Variants in CFHR2 observed in about 807,000 individuals in gnomAD.
CFHR2 encodes complement factor H-related protein 2.
In CFHR2, 22 loss-of-function variants were observed where a neutral mutation model predicts 21.7. The observed-to-expected ratio is 1.01, with a 90% CI of 0.72 to 1.45. CFHR2 has a LOEUF of 1.45. Ranked by LOEUF, CFHR2 falls within the 40% of genes most tolerant of loss-of-function variation. The pLI, the probability that CFHR2 is intolerant of heterozygous loss-of-function variation, is 0.00. For missense variants in CFHR2, 294 were observed against 293.3 expected (o/e 1.00, Z -0.02); for synonymous variants, 98 against 97.4 (o/e 1.01, Z -0.04).
chr1:196,958,695 C>A (rs1652996397), intron 4 of CFHR2, among the ~76,000 whole-genome samples, 186 bp from the exon 5 acceptor site: 1 of 151,938 alleles, frequency 6.6e-6, no homozygotes, highest in Admixed American at 6.6e-5. Context: ...AAACATAGTA[C>A]CTCATTTTTA....
At chr1:196,956,682 G>A (rs545088064) in intron 3 of CFHR2, among the ~76,000 whole-genome samples, 18 of 151,944 alleles carry the variant, frequency 1.2e-4, no homozygotes, top group Non-Finnish European at 2.4e-4. Context: ...TACTATTTGG[G>A]TTTATAATTC....
At chr1:196,958,415 T>TGTGA (rs1046139913) in intron 4 of CFHR2, among the ~76,000 whole-genome samples, 3 of 145,180 alleles carry the variant, frequency 2.1e-5, no homozygotes, top group Non-Finnish European at 3.0e-5. Context: ...TGTGTGTGTG[T>TGTGA]GAGAGAGAGA....
chr1:196,959,108 G>A lies in CFHR2; in HGVS notation c.*28G>A. On this transcript the variant is annotated 3_prime_UTR_variant, in exon 5 of 5. Coordinates refer to ENST00000367415, the MANE Select transcript of CFHR2 (RefSeq NM_005666.4). ...TCAATGGCATTACTATTAGTAAAAT[G>A]CACACCTTTTTCTGAATTTACTATT... is the stretch of plus-strand genomic sequence containing the variant. 2.8e-6 allele frequency: 4 copies of A among 1,424,988 alleles called. No individual in the cohort carries two copies. The highest frequency in any genetic ancestry group is 3.9e-6 in the Non-Finnish European group (4 of 1,029,052). The allele number at this position is 1,424,988 out of a possible 1,614,324, so 88.3% of individuals were successfully genotyped here. A position where few individuals can be genotyped will look rare whatever the true frequency, so the allele number is the denominator to read the frequency against.
At chr1:196,956,357 G>A (rs1462263547) in intron 3 of CFHR2, among the ~76,000 whole-genome samples, 1 of 152,164 alleles carries the variant, frequency 6.6e-6, no homozygotes, top group Non-Finnish European at 1.5e-5. Flanking sequence ...CAAGTTATGA[G>A]AAAAATATTG....
chr1:196,959,540 A>G lies in CFHR2; in HGVS notation c.*460A>G, dbSNP rs1653035938. On this transcript the variant is annotated 3_prime_UTR_variant, in exon 5 of 5. Coordinates refer to ENST00000367415, the MANE Select transcript of CFHR2 (RefSeq NM_005666.4). ...TTACCCCAGGTATCTTGAAATGTCA[A>G]TTCCTAACAGTCACAGCCTGGGAGC... Among the ~76,000 whole-genome samples, 1 of 152,034 alleles carries G rather than the reference A, an allele frequency of 6.6e-6. No homozygotes were observed. The highest frequency in any genetic ancestry group is 2.4e-5 in the African/African-American group (1 of 41,438).
chr1:196,951,110 G>A lies in CFHR2; in HGVS notation c.430+82G>A. On this transcript the variant is annotated intron_variant, in intron 3 of 4. Coordinates refer to ENST00000367415, the MANE Select transcript of CFHR2 (RefSeq NM_005666.4). ...AATCTTTTTTTACAGATTAAATATAGGTTAAATATAGGTTTTGCCACATAC... is the reference window on the plus strand; with the variant it reads ...AATCTTTTTTTACAGATTAAATATAAGTTAAATATAGGTTTTGCCACATAC... The A allele has an allele frequency of 4.0e-6, 6 of 1,484,674 alleles. 1 individual carries two copies. The highest frequency in any genetic ancestry group is 5.5e-6 in the Non-Finnish European group (6 of 1,091,872). 92.0% of individuals were successfully genotyped at this position (1,484,674 alleles called of 1,614,324 possible).
intron 4 of CFHR2, 26 bp downstream of exon 4, chr1:196,958,099 T>C (rs1442916826): frequency 1.2e-6 from 2 of 1,604,674 alleles, no homozygotes; most frequent in Non-Finnish European, 1.7e-6. Context: ...TTCTCATGGA[T>C]TCTGGAAAAA....
At chr1:196,955,342 T>A (rs7546591) in intron 3 of CFHR2, among the ~76,000 whole-genome samples, 1 of 152,158 alleles carries the variant, frequency 6.6e-6, no homozygotes, top group African/African-American at 2.4e-5. Context: ...GTCAAAACCA[T>A]TGAACAAGTC....
intron 1 of CFHR2, among the ~76,000 whole-genome samples, chr1:196,947,517 C>T (rs1659554640): frequency 6.6e-6 from 1 of 152,140 alleles, no homozygotes. Context: ...TTTACCAAAA[C>T]TATCTAATGT....
intron 3 of CFHR2, among the ~76,000 whole-genome samples, chr1:196,955,306 T>C (rs1436225677): frequency 6.6e-6 from 1 of 152,176 alleles, no homozygotes; most frequent in Non-Finnish European, 1.5e-5. Flanking sequence ...CTGGACTTCA[T>C]TGTCCATATC....
At chr1:196,955,199 G>A (rs771709449) in intron 3 of CFHR2, among the ~76,000 whole-genome samples, 1 of 152,042 alleles carries the variant, frequency 6.6e-6, no homozygotes, top group East Asian at 1.9e-4. Context: ...TCAGGGCAGG[G>A]GCAAATTGAC....
At chr1:196,948,276 T>C (rs1223205455) in intron 1 of CFHR2, among the ~76,000 whole-genome samples, 2 of 149,856 alleles carry the variant, frequency 1.3e-5, no homozygotes, top group East Asian at 3.9e-4. Flanking sequence ...TATTTTATTT[T>C]ATTTTAATTT....
intron 3 of CFHR2, among the ~76,000 whole-genome samples, chr1:196,953,816 T>C (rs1435344488): frequency 6.6e-6 from 1 of 152,194 alleles, no homozygotes; most frequent in Non-Finnish European, 1.5e-5. Context: ...ATTTATGAGA[T>C]TATTAGAAAA....
In CFHR2 at chr1:196,958,029, T is replaced by TA. The variant is rs779257906; in HGVS notation, c.571dup (p.Thr191AsnfsTer3). On this transcript the variant is annotated frameshift_variant, in exon 4 of 5. Coordinates refer to ENST00000367415, the MANE Select transcript of CFHR2 (RefSeq NM_005666.4). LOFTEE classifies it low-confidence loss of function (END_TRUNC). ...TATCAACTTGAGGGTAACAATCAAA[T>TA]AACATGTAGAAACGGACAATGGTCA... The TA allele has an allele frequency of 1.8e-5, 29 of 1,613,590 alleles. No homozygotes were observed. The highest frequency in any genetic ancestry group is 5.0e-5 in the Admixed American group (3 of 59,966).
intron 1 of CFHR2, among the ~76,000 whole-genome samples, chr1:196,946,830 A>T (rs1659513274): frequency 6.6e-6 from 1 of 152,232 alleles, no homozygotes; most frequent in Non-Finnish European, 1.5e-5. Flanking sequence ...ACTGATAACA[A>T]TTATACTATA....
intron 1 of CFHR2, among the ~76,000 whole-genome samples, chr1:196,944,358 T>G (rs1659397437): frequency 6.6e-6 from 1 of 151,768 alleles, no homozygotes; most frequent in South Asian, 2.1e-4. Flanking sequence ...ATTTTAAAGG[T>G]CATTAAAATG....
chr1:196,955,479 C>T (rs1301132861), intron 3 of CFHR2, among the ~76,000 whole-genome samples: 2 of 152,162 alleles, frequency 1.3e-5, no homozygotes, highest in African/African-American at 2.4e-5. Context: ...ATAGCAGTGC[C>T]CCCTGTACCA....
In CFHR2 at chr1:196,953,271, T is replaced by TTTAC. The variant is rs569716869; in HGVS notation, c.430+2251_430+2254dup. 7.3e-3 allele frequency among the ~76,000 whole-genome samples: 1,106 copies of TTTAC among 150,670 alleles called. 7 individuals carry two copies. Among genetic ancestry groups the TTTAC allele is most frequent in the Non-Finnish European group, 0.012 (847 of 67,890 alleles). The stretch of plus-strand genomic sequence containing the variant: ...ATTTATTTATTTATTTATTTATTTA[T>TTTAC]TTACTTACTTATTTACTTATTTATT... On this transcript the variant is annotated intron_variant, in intron 3 of 4. Transcript: ENST00000367415.
intron 1 of CFHR2, among the ~76,000 whole-genome samples, chr1:196,947,816 GGAATGTACAACATCAA>G (rs146744375): frequency 0.17 from 26,221 of 151,956 alleles, 2,337 homozygotes; most frequent in Middle Eastern, 0.32. Flanking sequence ...TCAAACCCAT[GGAATGTACAACATCAA>G]GAGTGAACCC....
Sources: gnomAD v4.1 joint callset for allele counts (sites outside exome capture counted in the v4.1 genomes callset) on GRCh38, gnomAD v4.1.1 for gene constraint, MANE v1.5 for transcripts, NCBI Gene and HGNC (gene_info 2026-07-23, HGNC 2026-07-21) for gene names.